Variants in DOCK5 observed in about 807,000 individuals in gnomAD.
DOCK5 encodes dedicator of cytokinesis 5.
DOCK5 carries 142 observed loss-of-function variants against 251.8 expected under a neutral mutation model. The observed-to-expected ratio is 0.56, with a 90% CI of 0.49 to 0.65. DOCK5 has a LOEUF of 0.65. DOCK5 is among the 30% of genes least tolerant of loss of function. DOCK5 has a pLI of 0.00. For missense variants in DOCK5, 2,111 were observed against 2,312.3 expected (o/e 0.91, Z 1.79); for synonymous variants, 842 against 835.5 (o/e 1.01, Z -0.13).
At chr8:25,269,000 C>G in intron 3 of DOCK5, 115 bp downstream of exon 3, 1 of 848,590 alleles carries the variant, frequency 1.2e-6, no homozygotes, top group Admixed American at 3.4e-5. Flanking sequence ...TTTGCTTTCT[C>G]TTTGATGGCT....
At position 25,342,474 on chromosome 8, in the gene DOCK5, A is replaced by G. The variant is rs1692363516; in HGVS notation, c.2584A>G (p.Lys862Glu). Reference sequence around the variant, plus strand: ...TCGGCAGAAACTTAACTGCATGACCAAGATAGTAGAGAGCACTCTTTTTCG... The same window carrying G: ...TCGGCAGAAACTTAACTGCATGACCGAGATAGTAGAGAGCACTCTTTTTCG... ...LVRQKLNCMT[K>E]IVESTLFRQS... is the part of the protein sequence containing the mutation. Residue 862 changes from lysine (K) to glutamate (E), a missense_variant, in exon 25 of 52, where the codon AAG (lysine) becomes GAG (glutamate). This residue lies in a region of DOCK5 where 1,717 missense variants were observed against 1,892.4 expected (regional missense o/e 0.91). Coordinates refer to ENST00000276440, the MANE Select transcript of DOCK5 (RefSeq NM_024940.8). 1.3e-6 allele frequency: 2 copies of G among 1,597,628 alleles called. No homozygotes were observed. The highest frequency in any genetic ancestry group is 8.5e-7 in the Non-Finnish European group (1 of 1,170,970).
Position 25,325,463 on chromosome 8 carries a change from G to A in DOCK5, c.1819G>A (p.Val607Ile). ...EKELQASKNL[V>I]TFTPSKDSTK... The stretch of plus-strand genomic sequence containing the variant: ...AGAGCTTCAAGCATCCAAAAACCTG[G>A]TCACCTTCACCCCAAGCAAGGATAG... Residue 607 changes from valine to isoleucine, a missense_variant, in exon 18 of 52, where the codon GTC becomes ATC. Physicochemically the swap from Val to Ile is conservative, Grantham distance 29. Around this residue, in one of 3 missense-constraint regions of DOCK5, gnomAD observed 1,717 missense variants for 1,892.4 expected, o/e 0.91. Transcript: ENST00000276440. 6.2e-7 allele frequency: 1 copy of A among 1,613,862 alleles called. No homozygotes were observed.
At chr8:25,333,150 T>C (rs1232649606) in intron 20 of DOCK5, among the ~76,000 whole-genome samples, 1 of 152,134 alleles carries the variant, frequency 6.6e-6, no homozygotes, top group African/African-American at 2.4e-5. Flanking sequence ...CTACAACCCA[T>C]TGCAAGAATT....
intron 18 of DOCK5, 40 bp from the exon 19 acceptor site, chr8:25,332,211 G>T: frequency 1.3e-6 from 2 of 1,511,284 alleles, no homozygotes; most frequent in African/African-American, 1.4e-5. Context: ...GGTCTGGGTT[G>T]TTCTCACCTG....
intron 1 of DOCK5, among the ~76,000 whole-genome samples, chr8:25,239,083 T>G (rs1425316169): frequency 1.3e-5 from 2 of 152,162 alleles, no homozygotes; most frequent in Non-Finnish European, 2.9e-5. Flanking sequence ...ATTGTGGATG[T>G]GAGATTTGGA....
chr8:25,383,254 A>T (rs576823158), intron 40 of DOCK5, among the ~76,000 whole-genome samples: 178 of 152,350 alleles, frequency 1.2e-3, no homozygotes, highest in Non-Finnish European at 2.2e-3. Flanking sequence ...ATAGTTTAAT[A>T]AATAAAAATT....
chr8:25,269,333 T>C (rs938385408), intron 3 of DOCK5, among the ~76,000 whole-genome samples: 2 of 152,228 alleles, frequency 1.3e-5, no homozygotes, highest in Non-Finnish European at 2.9e-5. Context: ...ATTATGAGCC[T>C]CACATCCCAA....
At chr8:25,384,152 T>G (rs1044496993) in intron 40 of DOCK5, among the ~76,000 whole-genome samples, 8 of 152,198 alleles carry the variant, frequency 5.3e-5, no homozygotes, top group Admixed American at 1.3e-4. Context: ...CACATGCAGC[T>G]TGCTAGGTAA....
intron 23 of DOCK5, 70 bp downstream of exon 23, chr8:25,341,058 T>G: frequency 8.5e-7 from 1 of 1,172,710 alleles, no homozygotes; most frequent in Non-Finnish European, 1.2e-6. Context: ...CGCTTAGAAT[T>G]GGCCATCATG....
rs371773516 is a variant in DOCK5, at chr8:25,317,016, G to A, written c.1328G>A (p.Arg443Gln). 1.6e-5 allele frequency: 26 copies of A among 1,613,620 alleles called. No individual in the cohort carries two copies. The highest frequency in any genetic ancestry group is 1.7e-5 in the Admixed American group (1 of 59,980). The change falls in exon 14 of 52, where the codon CGG becomes CAG. Residue 443 changes from arginine to glutamine, a missense_variant. By Grantham distance (43) the Arg-to-Gln change is conservative. Coordinates refer to ENST00000276440, the MANE Select transcript of DOCK5 (RefSeq NM_024940.8). ...GCTTATCATGTTGCAGGAGATGTTCGGAATGACATTTATGTCACCCTGATC... is the reference window on the plus strand; with the variant it reads ...GCTTATCATGTTGCAGGAGATGTTCAGAATGACATTTATGTCACCCTGATC... ...FPEIILPGDV[R>Q]NDIYVTLIHG... is the part of the protein sequence containing the mutation.
chr8:25,312,630 A>T (rs1463043409), intron 13 of DOCK5, among the ~76,000 whole-genome samples: 1 of 151,858 alleles, frequency 6.6e-6, no homozygotes, highest in Non-Finnish European at 1.5e-5. Flanking sequence ...GGGCGAGTTG[A>T]CGTGTACCTG....
chr8:25,304,103 G>A (rs746530944), intron 10 of DOCK5, among the ~76,000 whole-genome samples, 152 bp from the exon 11 acceptor site: 26 of 152,184 alleles, frequency 1.7e-4, no homozygotes, highest in Admixed American at 9.8e-4. Flanking sequence ...GGTACACTGG[G>A]AATCACCATT....
intron 22 of DOCK5, among the ~76,000 whole-genome samples, chr8:25,338,278 G>A (rs1255554382): frequency 1.3e-5 from 2 of 151,106 alleles, no homozygotes; most frequent in Non-Finnish European, 3.0e-5. Context: ...TGGGCTCAAG[G>A]GATCTGCCCA....
At chr8:25,275,871 A>G (rs2117125609) in intron 4 of DOCK5, among the ~76,000 whole-genome samples, 1 of 152,282 alleles carries the variant, frequency 6.6e-6, no homozygotes, top group Admixed American at 6.5e-5. Flanking sequence ...CTCTCATCTC[A>G]TCAGTTCTAC....
chr8:25,250,306 C>T (rs921201183), intron 2 of DOCK5, among the ~76,000 whole-genome samples: 16 of 152,198 alleles, frequency 1.1e-4, no homozygotes, highest in African/African-American at 3.6e-4. Context: ...CTATCTACTG[C>T]TCATCCGTTA....
At chr8:25,342,295 G>A (rs1805972639) in intron 24 of DOCK5, 106 bp from the exon 25 acceptor site, 3 of 805,678 alleles carry the variant, frequency 3.7e-6, no homozygotes, top group Admixed American at 4.8e-5. Context: ...AGTTTTCCAG[G>A]TAAATCTCTC....
intron 43 of DOCK5, 84 bp downstream of exon 43, chr8:25,392,064 G>GATTAC: frequency 1.5e-6 from 2 of 1,313,014 alleles, no homozygotes; most frequent in Non-Finnish European, 2.1e-6. Flanking sequence ...AGCATTCTGG[G>GATTAC]AGGCCGATGC....
At chr8:25,369,273 AATT>A (rs1255669225) in intron 33 of DOCK5, among the ~76,000 whole-genome samples, 2 of 152,248 alleles carry the variant, frequency 1.3e-5, no homozygotes, top group African/African-American at 4.8e-5. Flanking sequence ...GAAAAACAAG[AATT>A]ATTATTCTAT....
chr8:25,408,885 T>G lies in DOCK5; in HGVS notation c.5349T>G (p.Pro1783=), dbSNP rs945997755. 1 of 1,613,878 alleles carries G rather than the reference T, an allele frequency of 6.2e-7. No individual in the cohort carries two copies. The highest frequency in any genetic ancestry group is 1.3e-5 in the African/African-American group (1 of 74,912). Residue 1783 remains proline, a synonymous_variant, in exon 50 of 52, where the codon CCT becomes CCG. Transcript: ENST00000276440. ...RLSPFHGSSP[P]QSTPLSPPPL... ...CACCATTTCACGGTTCTTCACCTCC[T>G]CAGTCAACACCCTTGAGCCCACCTC... is the stretch of plus-strand genomic sequence containing the variant.
Sources: gnomAD v4.1 joint callset for allele counts (sites outside exome capture counted in the v4.1 genomes callset) on GRCh38, gnomAD v4.1.1 for gene constraint, gnomAD v4.1.1 regional missense constraint, MANE v1.5 for transcripts, NCBI Gene and HGNC (gene_info 2026-07-23, HGNC 2026-07-21) for gene names.